Variants in CADM2 observed in about 807,000 individuals in gnomAD.
CADM2 encodes immunoglobulin superfamily member 4D.
Under a neutral mutation model 49.8 loss-of-function variants are expected in CADM2, and 12 were observed. The ratio of observed to expected loss-of-function variants is 0.24; its 90% confidence interval spans 0.15 to 0.39. The LOEUF (loss-of-function observed/expected upper bound fraction) is 0.39, where lower values mean the gene tolerates loss of function less well. Ranked by LOEUF, CADM2 falls within the 10% of genes least tolerant of loss-of-function variation. CADM2 has a pLI of 1.00. For missense variants in CADM2, 378 were observed against 492.3 expected (o/e 0.77, Z 2.20); for synonymous variants, 214 against 175.4 (o/e 1.22, Z -1.74).
intron 1 of CADM2, among the ~76,000 whole-genome samples, chr3:85,286,772 ATT>A (rs1025159808): frequency 6.6e-6 from 1 of 152,118 alleles, no homozygotes; most frequent in Non-Finnish European, 1.5e-5. Context: ...ATTGCATCCT[ATT>A]TTTTGGGTAC....
chr3:85,543,953 T>C (rs1576765243), intron 1 of CADM2, among the ~76,000 whole-genome samples: 1 of 152,282 alleles, frequency 6.6e-6, no homozygotes, highest in East Asian at 1.9e-4. Context: ...AAAGCATAAA[T>C]ATCAAAGCAT....
At chr3:86,040,219 C>A (rs1056198466) in intron 8 of CADM2, among the ~76,000 whole-genome samples, 3 of 152,100 alleles carry the variant, frequency 2.0e-5, no homozygotes, top group Admixed American at 6.5e-5. Context: ...AGCAACAGAA[C>A]AAAGTAGGAC....
chr3:85,234,886 A>G (rs1414226393), intron 1 of CADM2, among the ~76,000 whole-genome samples: 2 of 152,162 alleles, frequency 1.3e-5, no homozygotes, highest in African/African-American at 4.8e-5. Context: ...ACATAAGAGT[A>G]GAACATAATA....
intron 1 of CADM2, among the ~76,000 whole-genome samples, chr3:85,315,675 T>A (rs1228273644): frequency 2.0e-5 from 3 of 152,178 alleles, no homozygotes; most frequent in South Asian, 4.1e-4. Flanking sequence ...TTCAATTTTT[T>A]AAAAATATCA....
At chr3:85,020,607 C>T (rs529092441) in intron 1 of CADM2, among the ~76,000 whole-genome samples, 1 of 152,074 alleles carries the variant, frequency 6.6e-6, no homozygotes. Context: ...AGCAAAACAT[C>T]CTTTATTTAA....
chr3:85,380,199 A>G (rs2033823007), intron 1 of CADM2, among the ~76,000 whole-genome samples: 1 of 152,060 alleles, frequency 6.6e-6, no homozygotes, highest in Non-Finnish European at 1.5e-5. Context: ...ACCCACAAAA[A>G]ATAGGAAGCA....
intron 1 of CADM2, among the ~76,000 whole-genome samples, chr3:85,711,804 A>C (rs1260463924): frequency 6.6e-6 from 1 of 152,200 alleles, no homozygotes; most frequent in Non-Finnish European, 1.5e-5. Context: ...TTAGGTATTT[A>C]TTAATATATG....
At position 86,054,587 on chromosome 3, in the gene CADM2, G is replaced by C. The variant is rs137882230; in HGVS notation, c.971-11018G>C. Among the ~76,000 whole-genome samples the C allele has an allele frequency of 6.3e-3, 965 of 152,048 alleles. 10 individuals carry two copies. Among genetic ancestry groups the C allele is most frequent in the African/African-American group, 0.021 (874 of 41,516 alleles). On this transcript the variant is annotated intron_variant, in intron 8 of 9. Coordinates refer to ENST00000383699, the MANE Select transcript of CADM2 (RefSeq NM_001167675.2). ...GCCTGAAATTTTAGAATAATGTGGA[G>C]TCTATAAACGATCTCATTGGCAAAT... is the stretch of plus-strand genomic sequence containing the variant.
intron 8 of CADM2, among the ~76,000 whole-genome samples, chr3:85,983,807 C>G (rs1050033339): frequency 2.0e-5 from 3 of 151,388 alleles, no homozygotes; most frequent in Non-Finnish European, 3.0e-5. Context: ...ATCTATCTAT[C>G]TATCTATCTA....
chr3:85,726,810 CT>C (rs1011815288), intron 2 of CADM2, among the ~76,000 whole-genome samples: 1 of 151,892 alleles, frequency 6.6e-6, no homozygotes, highest in African/African-American at 2.4e-5. Context: ...CAATAAAGTG[CT>C]TTTTTTGCAC....
chr3:85,395,030 TA>T (rs1268254660), intron 1 of CADM2, among the ~76,000 whole-genome samples: 1 of 152,090 alleles, frequency 6.6e-6, no homozygotes, highest in African/African-American at 2.4e-5. Flanking sequence ...TTTTTTGTAA[TA>T]TTTTTTAATA....
chr3:85,721,758 G>T (rs1300703255), intron 1 of CADM2, among the ~76,000 whole-genome samples: 2 of 152,220 alleles, frequency 1.3e-5, no homozygotes, highest in African/African-American at 2.4e-5. Context: ...GTGCTCCCAG[G>T]TCTTGGCTCC....
chr3:85,343,946 C>A (rs1256844122), intron 1 of CADM2, among the ~76,000 whole-genome samples: 1 of 152,074 alleles, frequency 6.6e-6, no homozygotes, highest in Non-Finnish European at 1.5e-5. Flanking sequence ...TTAGACACTG[C>A]AAAGTGCATG....
chr3:85,973,858 A>C (rs930777357), intron 8 of CADM2, among the ~76,000 whole-genome samples: 1 of 151,686 alleles, frequency 6.6e-6, no homozygotes, highest in Non-Finnish European at 1.5e-5. Flanking sequence ...AGATAAACTC[A>C]AAAAGTACAA....
chr3:85,568,445 T>TC (rs2062351606), intron 1 of CADM2, among the ~76,000 whole-genome samples: 4 of 33,104 alleles, frequency 1.2e-4, no homozygotes, highest in Non-Finnish European at 2.4e-4. Context: ...CTTTCTTTCT[T>TC]TCTTTCTTTC....
At chr3:85,827,800 G>A (rs987655123) in intron 3 of CADM2, among the ~76,000 whole-genome samples, 3 of 151,700 alleles carry the variant, frequency 2.0e-5, no homozygotes, top group African/African-American at 7.3e-5. Context: ...CTCATATATC[G>A]TACTCAAAGT....
chr3:85,920,164 G>C lies in CADM2; in HGVS notation c.700+7621G>C, dbSNP rs544386160. ...TGTTTCAGGATATATCAGCTTATCAGATAGGAAGACGAATATTCCAAGGAG... is the reference window on the plus strand; with the variant it reads ...TGTTTCAGGATATATCAGCTTATCACATAGGAAGACGAATATTCCAAGGAG... On this transcript the variant is annotated intron_variant, in intron 6 of 9. Coordinates refer to ENST00000383699, the MANE Select transcript of CADM2 (RefSeq NM_001167675.2). Among the ~76,000 whole-genome samples the C allele has an allele frequency of 2.6e-5, 4 of 151,768 alleles. No individual in the cohort carries two copies. The East Asian group carries it at 7.7e-4, about 29-fold the overall frequency.
intron 1 of CADM2, among the ~76,000 whole-genome samples, chr3:85,458,526 A>G (rs573413320): frequency 4.6e-4 from 70 of 152,338 alleles, no homozygotes; most frequent in Non-Finnish European, 9.1e-4. Context: ...AAAAGGTCAT[A>G]TTGAACTGCA....
chr3:85,719,724 T>C (rs541461416), intron 1 of CADM2, among the ~76,000 whole-genome samples: 12 of 151,684 alleles, frequency 7.9e-5, no homozygotes, highest in Non-Finnish European at 1.6e-4. Flanking sequence ...TGCTTGTAAG[T>C]GGACTCATGC....
Sources: gnomAD v4.1 joint callset for allele counts (sites outside exome capture counted in the v4.1 genomes callset) on GRCh38, gnomAD v4.1.1 for gene constraint, MANE v1.5 for transcripts, NCBI Gene and HGNC (gene_info 2026-07-23, HGNC 2026-07-21) for gene names.